The following COL4A5 variants were observed in gnomAD, a reference collection of about 807,000 sequenced individuals.
COL4A5 encodes collagen type IV alpha 5 chain.
A neutral mutation model predicts 130.2 loss-of-function variants in COL4A5; 26 were observed. The ratio of observed to expected loss-of-function variants is 0.20; its 90% CI spans 0.15 to 0.28. The LOEUF is 0.28. Ranked by LOEUF, COL4A5 falls within the 10% of genes least tolerant of loss-of-function variation. COL4A5 has a pLI of 1.00. For missense variants in COL4A5, 1,131 were observed against 1,344.3 expected, an observed-to-expected ratio of 0.84 and a Z score of 2.48; for synonymous variants, 496 against 439.6, an observed-to-expected ratio of 1.13 and a Z score of -1.60.
chrX:108,449,480 T>G (rs1172610450), intron 1 of COL4A5, among the ~76,000 whole-genome samples: 1 of 112,218 alleles, frequency 8.9e-6, no homozygotes, highest in African/African-American at 3.2e-5. Flanking sequence ...TCTCAAACTG[T>G]GGTCTGTGGA....
At chrX:108,591,766 C>G (rs2066440338) in intron 21 of COL4A5, 122 bp downstream of exon 21, 1 of 554,972 alleles carries the variant, frequency 1.8e-6, no homozygotes. Context: ...CCAAGACCAT[C>G]TCATTACCAA....
chrX:108,586,806 C>G (rs945950473), intron 19 of COL4A5, 59 bp downstream of exon 19: 1 of 1,121,652 alleles, frequency 8.9e-7, no homozygotes, highest in Non-Finnish European at 1.2e-6. Flanking sequence ...TCCATGTATA[C>G]TTTTTATCAC....
At chrX:108,628,896 T>C (rs1028402772) in intron 36 of COL4A5, among the ~76,000 whole-genome samples, 1 of 112,118 alleles carries the variant, frequency 8.9e-6, no homozygotes, top group Non-Finnish European at 1.9e-5. Context: ...GGAGCTTATA[T>C]TTAGTCAAGG....
rs754537221 is a variant in COL4A5, at chrX:108,674,821, A to T, written c.3808+68A>T. 3.0e-5 allele frequency: 33 copies of T among 1,084,004 alleles called. No individual in the cohort carries two copies. The South Asian group carries it at 6.2e-4, about 20-fold the overall frequency. The allele number at this position is 1,084,004 out of a possible 1,213,427, so 89.3% of individuals were successfully genotyped here. On this transcript the variant is annotated intron_variant, in intron 43 of 52. Transcript: ENST00000328300. ...AATGCTTTGTGTGTGTGATAAGAGA[A>T]ATGCAATTTTTTGCTATAATTCAGA... is the stretch of plus-strand genomic sequence containing the variant.
chrX:108,537,427 A>T (rs1321613609), intron 1 of COL4A5, among the ~76,000 whole-genome samples: 6 of 112,176 alleles, frequency 5.3e-5, no homozygotes, highest in Non-Finnish European at 9.4e-5. Context: ...GCAAAAAATT[A>T]TACAAAATTA....
chrX:108,536,606 T>G (rs2065461740), intron 1 of COL4A5, among the ~76,000 whole-genome samples: 1 of 111,637 alleles, frequency 9.0e-6, no homozygotes, highest in South Asian at 3.7e-4. Flanking sequence ...CATGGCAATT[T>G]TTCCTCTAGG....
chrX:108,519,743 T>C (rs888839650), intron 1 of COL4A5, among the ~76,000 whole-genome samples: 5 of 111,279 alleles, frequency 4.5e-5, no homozygotes, highest in African/African-American at 1.3e-4. Flanking sequence ...CTTATACTAT[T>C]TGGGTTTTTC....
At chrX:108,480,764 G>A (rs1261918414) in intron 1 of COL4A5, among the ~76,000 whole-genome samples, 1 of 112,806 alleles carries the variant, frequency 8.9e-6, no homozygotes, top group African/African-American at 3.2e-5. Context: ...ATAATCCACT[G>A]TCATTCTCCA....
chrX:108,540,062 A>G lies in COL4A5; in HGVS notation c.141+257A>G, dbSNP rs145783977. Reference sequence around the variant, plus strand: ...GTTTCTGTCACATATTCTTATTTATATAAATAGAACTTTAAAAGTGACTAA... The same window carrying G: ...GTTTCTGTCACATATTCTTATTTATGTAAATAGAACTTTAAAAGTGACTAA... On this transcript the variant is annotated intron_variant, in intron 2 of 52. Transcript: ENST00000328300. 0.012 allele frequency among the ~76,000 whole-genome samples: 1,375 copies of G among 111,938 alleles called. 13 individuals carry two copies. Among genetic ancestry groups the G allele is most frequent in the African/African-American group, 0.042 (1,306 of 30,808 alleles).
intron 39 of COL4A5, among the ~76,000 whole-genome samples, chrX:108,666,905 A>G (rs1569505564): frequency 8.9e-6 from 1 of 112,032 alleles, no homozygotes; most frequent in Non-Finnish European, 1.9e-5. Context: ...TTTTTTTCTT[A>G]TAAGCATATA....
At chrX:108,545,539 A>G (rs1184574815) in intron 2 of COL4A5, among the ~76,000 whole-genome samples, 3 of 111,578 alleles carry the variant, frequency 2.7e-5, no homozygotes, top group African/African-American at 9.8e-5. Context: ...GATGTGGTCA[A>G]TTTTGGAGTA....
At chrX:108,458,721 C>T (rs1163744361) in intron 1 of COL4A5, among the ~76,000 whole-genome samples, 3 of 112,006 alleles carry the variant, frequency 2.7e-5, no homozygotes, top group African/African-American at 9.7e-5. Context: ...TGGCTCACGC[C>T]TGTAATCCGA....
chrX:108,649,882 T>C (rs563917483), intron 36 of COL4A5, among the ~76,000 whole-genome samples: 9 of 110,886 alleles, frequency 8.1e-5, no homozygotes, highest in African/African-American at 2.9e-4. Flanking sequence ...CAAACACAAA[T>C]GCAATAAAAA....
chrX:108,624,173 C>A, intron 33 of COL4A5, 63 bp from the exon 34 acceptor site: 1 of 982,054 alleles, frequency 1.0e-6, no homozygotes, highest in Non-Finnish European at 1.4e-6. Context: ...GCTTGCTTTG[C>A]CAAAGTTATT....
chrX:108,582,177 T>C (rs1176703846), intron 16 of COL4A5, among the ~76,000 whole-genome samples: 1 of 111,537 alleles, frequency 9.0e-6, no homozygotes, highest in Non-Finnish European at 1.9e-5. Flanking sequence ...CAACTTACAA[T>C]CTCTAGTTCA....
intron 1 of COL4A5, among the ~76,000 whole-genome samples, chrX:108,492,270 G>A (rs11796007): frequency 2.0e-4 from 22 of 111,475 alleles, no homozygotes; most frequent in African/African-American, 6.8e-4. Flanking sequence ...AGGCGTTTTA[G>A]GAAATTTCTG....
intron 44 of COL4A5, among the ~76,000 whole-genome samples, chrX:108,678,156 C>A (rs1257877098): frequency 1.9e-5 from 2 of 104,917 alleles, no homozygotes; most frequent in Non-Finnish European, 3.8e-5. Flanking sequence ...TTTGAGTGAC[C>A]CAGAGCAGAG....
At position 108,681,857 on chromosome X, in the gene COL4A5, A is replaced by C. The variant is rs2068437927; in HGVS notation, c.4185A>C (p.Leu1395=). ...GIPGQPGLKG[L]PGPQGPQGLP... ...CTGGCCAGCCTGGGCTAAAGGGTCT[A>C]CCAGGACCCCAAGGACCTCAAGGCT... is the stretch of plus-strand genomic sequence containing the variant. Residue 1395 remains leucine (L), a synonymous_variant, in exon 47 of 53, where the codon CTA becomes CTC. Transcript: ENST00000328300. 1 of 1,207,970 alleles carries C rather than the reference A, an allele frequency of 8.3e-7. No individual in the cohort carries two copies. The highest frequency in any genetic ancestry group is 2.2e-5 in the Admixed American group (1 of 45,629).
rs1199533789 is a variant in COL4A5, at chrX:108,549,952, A to G, written c.142-9112A>G. ...AATTCCTTAAGAAACATACATTACC[A>G]AAAACAAAAACAAATAAATGCGTGA... is the stretch of plus-strand genomic sequence containing the variant. On this transcript the variant is annotated intron_variant, in intron 2 of 52. Transcript: ENST00000328300. Among the ~76,000 whole-genome samples, 4 of 111,637 alleles carry G rather than the reference A, an allele frequency of 3.6e-5. No individual in the cohort carries two copies. The East Asian group carries it at 1.1e-3, about 31-fold the overall frequency.
Sources: allele counts gnomAD v4.1 joint callset (sites outside exome capture counted in the v4.1 genomes callset), GRCh38; gene constraint gnomAD v4.1.1; transcripts MANE v1.5; gene names NCBI Gene and HGNC (gene_info 2026-07-23, HGNC 2026-07-21).